Variants in VAT1L observed in about 807,000 individuals in gnomAD.
VAT1L encodes vesicle amine transport 1 like, also known as putative NADPH-dependent quinone oxidoreductase VAT1L.
A neutral mutation model predicts 44.1 loss-of-function variants in VAT1L; 34 were observed. The ratio of observed to expected loss-of-function variants is 0.77; its 90% CI spans 0.59 to 1.03. VAT1L has a LOEUF of 1.03. VAT1L is among the 50% of genes least tolerant of loss of function. The probability of loss-of-function intolerance (pLI) is 0.00; values close to 1 mark genes in which losing one functional copy is unlikely to be tolerated. For missense variants in VAT1L, 615 were observed against 538.8 expected (o/e 1.14, Z -1.40); for synonymous variants, 253 against 202.2 (o/e 1.25, Z -2.13).
chr16:77,943,765 G>GCT (rs2017923342), intron 7 of VAT1L, among the ~76,000 whole-genome samples: 1 of 152,122 alleles, frequency 6.6e-6, no homozygotes, highest in Non-Finnish European at 1.5e-5. Context: ...AAGTCACTTA[G>GCT]CCTCTAAGGA....
At chr16:77,796,002 T>C (rs1020373048) in intron 1 of VAT1L, among the ~76,000 whole-genome samples, 22 of 151,902 alleles carry the variant, frequency 1.4e-4, no homozygotes, top group Non-Finnish European at 2.8e-4. Flanking sequence ...GTTTTTATAT[T>C]TTTAGTAGAG....
At chr16:77,862,645 A>ATT in intron 3 of VAT1L, 103 bp from the exon 4 acceptor site, 8 of 1,129,638 alleles carry the variant, frequency 7.1e-6, no homozygotes, top group Non-Finnish European at 7.3e-6. Context: ...AAAAAAAAAA[A>ATT]AAGTCAATAG....
chr16:77,790,369 T>G (rs2015810979), intron 1 of VAT1L, among the ~76,000 whole-genome samples: 1 of 152,176 alleles, frequency 6.6e-6, no homozygotes, highest in Admixed American at 6.5e-5. Flanking sequence ...AGAGCTTATA[T>G]CTGCCCTTTC....
At chr16:77,913,427 A>C (rs1323898317) in intron 7 of VAT1L, among the ~76,000 whole-genome samples, 4 of 150,328 alleles carry the variant, frequency 2.7e-5, no homozygotes, top group Non-Finnish European at 5.9e-5. Context: ...TACCAAACCC[A>C]CTCTTGTCAA....
In VAT1L at chr16:77,955,730, A is replaced by C. The variant is rs868628312; in HGVS notation, c.1078-16120A>C. Among the ~76,000 whole-genome samples the C allele has an allele frequency of 7.1e-3, 380 of 53,660 alleles. 1 individual carries two copies. The highest frequency in any genetic ancestry group is 0.039 in the East Asian group (80 of 2,076). 35.2% of individuals were successfully genotyped at this position (53,660 alleles called of 152,430 possible). A position where few individuals can be genotyped will look rare whatever the true frequency, so the allele number is the denominator to read the frequency against. ...ACAGAGGCTCCATATCCCCCCCCCC[A>C]AAAAAAAAAAAAGAGAGAGAATGGA... On this transcript the variant is annotated intron_variant, in intron 7 of 8. Coordinates refer to ENST00000302536, the MANE Select transcript of VAT1L (RefSeq NM_020927.3).
intron 4 of VAT1L, among the ~76,000 whole-genome samples, chr16:77,864,065 A>G (rs970130582): frequency 1.3e-5 from 2 of 152,178 alleles, no homozygotes; most frequent in African/African-American, 4.8e-5. Flanking sequence ...TCATGGCCAC[A>G]TGTTTGTCAG....
chr16:77,804,796 G>A (rs1200714462), intron 1 of VAT1L, among the ~76,000 whole-genome samples: 1 of 152,120 alleles, frequency 6.6e-6, no homozygotes, highest in Non-Finnish European at 1.5e-5. Flanking sequence ...AGCTCCAGCA[G>A]CCATGTACAA....
chr16:77,952,694 T>TA (rs2018057716), intron 7 of VAT1L, among the ~76,000 whole-genome samples: 1 of 151,666 alleles, frequency 6.6e-6, no homozygotes, highest in African/African-American at 2.4e-5. Flanking sequence ...CTGTATCTAT[T>TA]AAAAAATACA....
chr16:77,797,260 C>T (rs1214175187), intron 1 of VAT1L, among the ~76,000 whole-genome samples: 1 of 151,916 alleles, frequency 6.6e-6, no homozygotes, highest in Non-Finnish European at 1.5e-5. Context: ...TACAGGCATG[C>T]ACCACCACAC....
intron 7 of VAT1L, among the ~76,000 whole-genome samples, chr16:77,902,827 G>A (rs1172960710): frequency 6.6e-6 from 1 of 151,550 alleles, no homozygotes; most frequent in Non-Finnish European, 1.5e-5. Flanking sequence ...CAAAAACCTA[G>A]CTGGGAATGG....
At chr16:77,957,880 T>C (rs1463644756) in intron 7 of VAT1L, among the ~76,000 whole-genome samples, 1 of 151,854 alleles carries the variant, frequency 6.6e-6, no homozygotes, top group Non-Finnish European at 1.5e-5. Flanking sequence ...CCCCTCATTC[T>C]CTTACTAGAG....
At position 77,978,206 on chromosome 16, in the gene VAT1L, A is replaced by G. The variant is rs148967714; in HGVS notation, c.*511A>G. 1.8e-3 allele frequency: 276 copies of G among 154,636 alleles called. No individual in the cohort carries two copies. The highest frequency in any genetic ancestry group is 3.3e-3 in the Non-Finnish European group (229 of 69,506). The allele number at this position is 154,636 out of a possible 1,614,324, so 9.6% of individuals were successfully genotyped here. ...TTTTCATGAGCCCACAAATTTAGAAACTCTCCTAGTAGTACTTTTTCTCTC... is the reference window on the plus strand; with the variant it reads ...TTTTCATGAGCCCACAAATTTAGAAGCTCTCCTAGTAGTACTTTTTCTCTC... On this transcript the variant is annotated 3_prime_UTR_variant, in exon 9 of 9. Coordinates refer to ENST00000302536, the MANE Select transcript of VAT1L (RefSeq NM_020927.3).
intron 6 of VAT1L, among the ~76,000 whole-genome samples, chr16:77,883,986 C>T (rs1483385450): frequency 6.6e-6 from 1 of 152,124 alleles, no homozygotes; most frequent in Non-Finnish European, 1.5e-5. Flanking sequence ...TCACAGAGAA[C>T]GTTGTAGAGC....
rs918627902 is a variant in VAT1L, at chr16:77,835,521, G to C, written c.579+10060G>C. On this transcript the variant is annotated intron_variant, in intron 3 of 8. Transcript: ENST00000302536. ...ATGCATGGGATCTCAGAGCTAGAAGGGAATTAAGACATACACTCACTTTTG... is the reference window on the plus strand; with the variant it reads ...ATGCATGGGATCTCAGAGCTAGAAGCGAATTAAGACATACACTCACTTTTG... 2.0e-5 allele frequency among the ~76,000 whole-genome samples: 3 copies of C among 152,182 alleles called. No individual in the cohort carries two copies. In the East Asian group the frequency reaches 5.8e-4, roughly 29 times the overall value.
rs2017088060 is a variant in VAT1L at position 77,876,461 on chromosome 16, T to A, written c.814T>A (p.Tyr272Asn). 1.2e-6 allele frequency: 2 copies of A among 1,614,060 alleles called. No homozygotes were observed. Among genetic ancestry groups the A allele is most frequent in the South Asian group, 2.2e-5 (2 of 91,090 alleles). Residue 272 changes from tyrosine to asparagine, a missense_variant, in exon 5 of 9, where the codon TAC (tyrosine) becomes AAC (asparagine). Transcript: ENST00000302536. ...GLSLLKPLGT[Y>N]ILYGSSNMVT... ...CAGTCTTCTCAAACCCCTGGGAACC[T>A]ACATTTTATATGGTGAGTGCAAAAC...
chr16:77,800,274 C>T (rs540769337), intron 1 of VAT1L: 1 of 152,184 alleles, frequency 6.6e-6, no homozygotes, highest in Non-Finnish European at 1.5e-5. Context: ...TTGTTGATAT[C>T]TGGCTTCATC....
intron 7 of VAT1L, among the ~76,000 whole-genome samples, chr16:77,940,258 A>G (rs1025036413): frequency 1.3e-5 from 2 of 152,100 alleles, no homozygotes; most frequent in Middle Eastern, 3.4e-3. Context: ...CAAATGTGCT[A>G]TCAACTGACT....
At chr16:77,898,020 G>C (rs967360070) in intron 7 of VAT1L, among the ~76,000 whole-genome samples, 1 of 152,178 alleles carries the variant, frequency 6.6e-6, no homozygotes, top group Non-Finnish European at 1.5e-5. Context: ...TGCAGGGTCT[G>C]TTCCTTCTGA....
chr16:77,793,685 AC>A (rs1423953058), intron 1 of VAT1L, among the ~76,000 whole-genome samples: 1 of 152,142 alleles, frequency 6.6e-6, no homozygotes, highest in Non-Finnish European at 1.5e-5. Flanking sequence ...AATGATTTAC[AC>A]CAAGAGGCTA....
Sources: gnomAD v4.1 joint callset for allele counts (sites outside exome capture counted in the v4.1 genomes callset) on GRCh38, gnomAD v4.1.1 for gene constraint, MANE v1.5 for transcripts, NCBI Gene and HGNC (gene_info 2026-07-23, HGNC 2026-07-21) for gene names.